SH3GL1: variants seen among roughly 807,000 people sequenced by gnomAD.
The protein encoded by SH3GL1 is SH3 domain containing GRB2 like 1, endophilin A2.
SH3GL1 carries 21 observed loss-of-function variants against 48.8 expected under a neutral mutation model. That is an observed-to-expected ratio of 0.43 (90% CI 0.30 to 0.62). SH3GL1 has a LOEUF of 0.62. Among genes scored for constraint, SH3GL1 ranks in the 20% least tolerant of loss-of-function variants. The pLI is 0.11. For missense variants in SH3GL1, 454 were observed against 503.0 expected, an observed-to-expected ratio of 0.90 and a Z score of 0.93; for synonymous variants, 282 against 217.5, an observed-to-expected ratio of 1.30 and a Z score of -2.61.
Position 4,400,172 on chromosome 19 carries a change from G to A in SH3GL1, c.45+152C>T. 1.2e-6 allele frequency: 1 copy of A among 809,900 alleles called. No homozygotes were observed. The highest frequency in any genetic ancestry group is 1.8e-6 in the Non-Finnish European group (1 of 547,788). The allele number at this position is 809,900 out of a possible 1,614,324, so 50.2% of individuals were successfully genotyped here. On this transcript the variant is annotated intron_variant, in intron 1 of 9. Transcript: ENST00000269886. This position sits in a 1 kb window ranked among gnomAD's most constrained non-coding sequence, Gnocchi z 4.1. ...GGGCCTGGGCCACCTCGTCGCCCCC[G>A]TCCGTCCCTTGGTCTTCCCACCTGG...
At chr19:4,373,531 C>T (rs374870434) in intron 1 of SH3GL1, among the ~76,000 whole-genome samples, 24 of 152,344 alleles carry the variant, frequency 1.6e-4, no homozygotes, top group Admixed American at 4.6e-4. Context: ...CCAAACCAGA[C>T]GCTGCCACCA....
intron 2 of SH3GL1, 141 bp from the exon 3 acceptor site, chr19:4,366,714 T>G: frequency 1.0e-6 from 1 of 953,028 alleles, no homozygotes; most frequent in South Asian, 1.3e-5. Flanking sequence ...AGCTCAGCCA[T>G]GTCCCCACAG....
Position 4,397,114 on chromosome 19 carries a change from A to G in SH3GL1, c.45+3210T>C, listed in dbSNP as rs115321742. Among the ~76,000 whole-genome samples, 440 of 152,320 alleles carry G rather than the reference A, an allele frequency of 2.9e-3. 3 individuals carry two copies. Among genetic ancestry groups the G allele is most frequent in the African/African-American group, 0.01 (425 of 41,568 alleles). On this transcript the variant is annotated intron_variant, in intron 1 of 9. Transcript: ENST00000269886. ...AGTTGTTATTAGACTAAAAACAAAA[A>G]AAGAGACACAAATAGTCGGATACGT...
At chr19:4,385,804 C>T (rs1456027492) in intron 1 of SH3GL1, among the ~76,000 whole-genome samples, 2 of 152,190 alleles carry the variant, frequency 1.3e-5, no homozygotes, top group Non-Finnish European at 2.9e-5. Context: ...TAGGGCACAG[C>T]GCAGCATTCC....
chr19:4,364,898 GTA>G (rs1555739999), intron 4 of SH3GL1, among the ~76,000 whole-genome samples: 89 of 96,028 alleles, frequency 9.3e-4, no homozygotes, highest in South Asian at 2.6e-3. Flanking sequence ...GTGTGTGTGT[GTA>G]TATATATATA....
intron 2 of SH3GL1, 141 bp downstream of exon 2, chr19:4,366,785 A>G: frequency 1.0e-6 from 1 of 960,600 alleles, no homozygotes; most frequent in Non-Finnish European, 1.7e-6. Flanking sequence ...CGAGGCCCCC[A>G]CACCACCCCA....
chr19:4,379,352 G>C (rs371507544), intron 1 of SH3GL1, among the ~76,000 whole-genome samples: 150 of 151,780 alleles, frequency 9.9e-4, no homozygotes, highest in African/African-American at 3.5e-3. Flanking sequence ...CTTGAACCCA[G>C]CAGGTGGGGG....
At position 4,365,387 on chromosome 19, in the gene SH3GL1, G is replaced by A. The variant is rs373154904; in HGVS notation, c.331+95C>T. The A allele has an allele frequency of 6.6e-5, 101 of 1,527,078 alleles. 1 individual carries two copies. The highest frequency in any genetic ancestry group is 3.8e-4 in the East Asian group (17 of 44,356). The allele number at this position is 1,527,078 out of a possible 1,614,324, so 94.6% of individuals were successfully genotyped here. ...GCTGTGGGGGCCACTGTACGTCCCC[G>A]GCACTCAGCACATGCAGGGCCTGGA... On this transcript the variant is annotated intron_variant, in intron 4 of 9. Transcript: ENST00000269886.
At chr19:4,377,492 A>G (rs1290325876) in intron 1 of SH3GL1, among the ~76,000 whole-genome samples, 1 of 152,230 alleles carries the variant, frequency 6.6e-6, no homozygotes, top group Non-Finnish European at 1.5e-5. Flanking sequence ...ACAGTCACGA[A>G]GACAGGTTTT....
At chr19:4,364,866 T>TTGTGTGTG (rs373324973) in intron 4 of SH3GL1, among the ~76,000 whole-genome samples, 2,748 of 96,906 alleles carry the variant, frequency 0.028, 112 homozygotes, top group African/African-American at 0.086. Flanking sequence ...ACCCGGCTAA[T>TTGTGTGTG]TGTGTGTGTG....
intron 1 of SH3GL1, among the ~76,000 whole-genome samples, chr19:4,399,799 G>A (rs1390469823): frequency 2.0e-5 from 3 of 152,218 alleles, no homozygotes; most frequent in Admixed American, 1.3e-4. Flanking sequence ...TTAGGAAAGG[G>A]ACATACGGAG....
rs1476030195 is a variant in SH3GL1 at position 4,367,384 on chromosome 19, T to C, written c.46-390A>G. ...ACAAACATCCCCACAGATAGCAATG[T>C]GGGGATCTGCCCCCATCCTTGAGTA... On this transcript the variant is annotated intron_variant, in intron 1 of 9. Transcript: ENST00000269886. The surrounding 1 kb of genome is among the most constrained non-coding windows in gnomAD (Gnocchi z 4.2). 6.6e-6 allele frequency among the ~76,000 whole-genome samples: 1 copy of C among 151,794 alleles called. No individual in the cohort carries two copies. Among genetic ancestry groups the C allele is most frequent in the Admixed American group, 6.6e-5 (1 of 15,264 alleles).
intron 1 of SH3GL1, among the ~76,000 whole-genome samples, chr19:4,379,016 C>G (rs1183905700): frequency 6.6e-6 from 1 of 152,246 alleles, no homozygotes; most frequent in Admixed American, 6.5e-5. Flanking sequence ...TGATCGTGCA[C>G]GAAATCTCAT....
chr19:4,369,185 G>A (rs995714329), intron 1 of SH3GL1, among the ~76,000 whole-genome samples: 2 of 152,250 alleles, frequency 1.3e-5, no homozygotes, highest in African/African-American at 4.8e-5. Context: ...GAGTGGGGCT[G>A]CCCTCCATTT....
At chr19:4,369,878 T>A (rs1972860811) in intron 1 of SH3GL1, among the ~76,000 whole-genome samples, 1 of 152,214 alleles carries the variant, frequency 6.6e-6, no homozygotes. Flanking sequence ...CCAAGGCTTA[T>A]GGGCTAGAAA....
chr19:4,363,149 C>CG (rs1211115214), intron 7 of SH3GL1, among the ~76,000 whole-genome samples: 1 of 152,180 alleles, frequency 6.6e-6, no homozygotes, highest in Non-Finnish European at 1.5e-5. Flanking sequence ...AGGGAGTCCC[C>CG]GGGGCCTGCA....
rs1972570210 is a variant in SH3GL1, at chr19:4,360,383, A to G, written c.*1217T>C. On this transcript the variant is annotated 3_prime_UTR_variant, in exon 10 of 10. Coordinates refer to ENST00000269886, the MANE Select transcript of SH3GL1 (RefSeq NM_003025.4). ...GAGGCAAGGGGCTGTAGAAAGAGAC[A>G]TTTAATACTTCTGTTTACAAAATTC... The G allele has an allele frequency of 3.9e-6, 1 of 257,862 alleles. No homozygotes were observed. The highest frequency in any genetic ancestry group is 1.1e-4 in the South Asian group (1 of 9,110). The allele number at this position is 257,862 out of a possible 1,614,324, so 16.0% of individuals were successfully genotyped here. A position where few individuals can be genotyped will look rare whatever the true frequency, so the allele number is the denominator to read the frequency against.
chr19:4,384,005 G>C (rs1273052685), intron 1 of SH3GL1, among the ~76,000 whole-genome samples: 2 of 152,174 alleles, frequency 1.3e-5, no homozygotes, highest in South Asian at 4.1e-4. Flanking sequence ...GAATGATTTG[G>C]GGCTACAAAT....
At chr19:4,396,905 T>C (rs192304399) in intron 1 of SH3GL1, among the ~76,000 whole-genome samples, 4 of 152,286 alleles carry the variant, frequency 2.6e-5, no homozygotes, top group African/African-American at 9.6e-5. Context: ...TGTCCCCTAA[T>C]CCTTTTGTGT....
Sources: allele counts gnomAD v4.1 joint callset (sites outside exome capture counted in the v4.1 genomes callset), GRCh38; gene constraint gnomAD v4.1.1; non-coding constraint Gnocchi (gnomAD v3.1); transcripts MANE v1.5; gene names NCBI Gene and HGNC (gene_info 2026-07-23, HGNC 2026-07-21).